Variants in PLCG2 observed in about 807,000 individuals in gnomAD.
The protein encoded by PLCG2 is phospholipase C gamma 2, also known as 1-phosphatidylinositol 4,5-bisphosphate phosphodiesterase gamma-2.
PLCG2 carries 69 observed loss-of-function variants against 175.6 expected under a neutral mutation model. That is an observed-to-expected ratio of 0.39 (90% CI 0.32 to 0.48). PLCG2 has a LOEUF of 0.48. PLCG2 is among the 20% of genes least tolerant of loss of function. The pLI is 0.91. For missense variants in PLCG2, 1,798 were observed against 1,650.9 expected, an observed-to-expected ratio of 1.09 and a Z score of -1.54; for synonymous variants, 827 against 624.0, an observed-to-expected ratio of 1.33 and a Z score of -4.85.
chr16:81,938,634 C>A, intron 28 of PLCG2, 167 bp from the exon 29 acceptor site: 1 of 596,584 alleles, frequency 1.7e-6, no homozygotes, highest in Non-Finnish European at 3.0e-6. Flanking sequence ...TACCACAGTC[C>A]ACCTTCATCC....
Position 81,918,984 on chromosome 16 carries a change from A to G in PLCG2, c.2055-500A>G, listed in dbSNP as rs146421993. On this transcript the variant is annotated intron_variant, in intron 19 of 32. Transcript: ENST00000564138. ...AATTTTGAGGTGGGGGGGATTGGCA[A>G]ACATTTTCTGTGAAGGACCACAGAG... Among the ~76,000 whole-genome samples the G allele has an allele frequency of 3.0e-3, 463 of 152,302 alleles. 3 individuals carry two copies. Among genetic ancestry groups the G allele is most frequent in the African/African-American group, 0.01 (428 of 41,556 alleles).
chr16:81,850,699 T>C (rs1053815726), intron 2 of PLCG2, among the ~76,000 whole-genome samples: 1 of 152,166 alleles, frequency 6.6e-6, no homozygotes, highest in South Asian at 2.1e-4. Context: ...TTTAAGCATG[T>C]AGAAGCGGGG....
At position 81,878,652 on chromosome 16, in the gene PLCG2, A is replaced by G. The variant is rs181398038; in HGVS notation, c.649-2258A>G. Among the ~76,000 whole-genome samples, 19 of 151,964 alleles carry G rather than the reference A, an allele frequency of 1.3e-4. 1 individual carries two copies. The highest frequency in any genetic ancestry group is 4.6e-4 in the African/African-American group (19 of 41,426). ...CCATCCCTGCCTCCTAGAGCACTTC[A>G]TCTTGGCACGTCAGCCATCACCTCC... On this transcript the variant is annotated intron_variant, in intron 7 of 32. Coordinates refer to ENST00000564138, the MANE Select transcript of PLCG2 (RefSeq NM_002661.5).
chr16:81,767,627 T>A (rs1411952960), intron 2 of PLCG2: 1 of 152,198 alleles, frequency 6.6e-6, no homozygotes, highest in Non-Finnish European at 1.5e-5. Flanking sequence ...TTCACCCTTT[T>A]TGATATACAG....
At chr16:81,926,268 C>G (rs1330626764) in intron 22 of PLCG2, among the ~76,000 whole-genome samples, 1 of 152,128 alleles carries the variant, frequency 6.6e-6, no homozygotes, top group Admixed American at 6.5e-5. Context: ...AGAGTCTGGG[C>G]TGGATTCTGG....
intron 30 of PLCG2, among the ~76,000 whole-genome samples, chr16:81,944,586 T>G (rs1021734324): frequency 1.3e-5 from 2 of 152,202 alleles, no homozygotes; most frequent in African/African-American, 4.8e-5. Context: ...TGCCTCAGTC[T>G]TCCTAGTAGC....
chr16:81,753,724 A>G (rs1228177918), intron 1 of PLCG2, among the ~76,000 whole-genome samples: 2 of 152,128 alleles, frequency 1.3e-5, no homozygotes, highest in East Asian at 1.9e-4. Flanking sequence ...GACTTTTGGG[A>G]GGGGATGAGG....
chr16:81,808,031 G>A (rs181286423), intron 2 of PLCG2, among the ~76,000 whole-genome samples: 2 of 152,304 alleles, frequency 1.3e-5, no homozygotes, highest in African/African-American at 4.8e-5. Flanking sequence ...AGACTGCTGC[G>A]GAGACAGATA....
At chr16:81,918,133 TC>T (rs907491166) in intron 19 of PLCG2, among the ~76,000 whole-genome samples, 1 of 152,240 alleles carries the variant, frequency 6.6e-6, no homozygotes, top group Non-Finnish European at 1.5e-5. Context: ...CAGATGTTTT[TC>T]CCATTCTGTA....
At chr16:81,887,689 C>T (rs1226912861) in intron 9 of PLCG2, among the ~76,000 whole-genome samples, 2 of 152,198 alleles carry the variant, frequency 1.3e-5, no homozygotes, top group Non-Finnish European at 2.9e-5. Flanking sequence ...TCTAAGCACA[C>T]ACACATCTGG....
chr16:81,873,747 T>C (rs1361645254), intron 7 of PLCG2, among the ~76,000 whole-genome samples: 1 of 152,098 alleles, frequency 6.6e-6, no homozygotes, highest in Non-Finnish European at 1.5e-5. Flanking sequence ...CTGGGCAACA[T>C]AGTGAGACCT....
At chr16:81,873,870 C>T (rs1466540819) in intron 7 of PLCG2, among the ~76,000 whole-genome samples, 3 of 152,210 alleles carry the variant, frequency 2.0e-5, no homozygotes, top group Admixed American at 2.0e-4. Context: ...TGGTAACATT[C>T]CACATGAGAG....
chr16:81,847,127 A>C (rs12933559), intron 2 of PLCG2, among the ~76,000 whole-genome samples: 1 of 151,932 alleles, frequency 6.6e-6, no homozygotes, highest in African/African-American at 2.4e-5. Flanking sequence ...CACTCCTTGG[A>C]TTTGATTAAT....
chr16:81,815,047 G>T (rs1298697175), intron 2 of PLCG2, among the ~76,000 whole-genome samples: 1 of 152,200 alleles, frequency 6.6e-6, no homozygotes, highest in Non-Finnish European at 1.5e-5. Flanking sequence ...ATCTTCCAAG[G>T]CAAAACCAGA....
chr16:81,850,074 A>G (rs1212115286), intron 2 of PLCG2, among the ~76,000 whole-genome samples: 1 of 152,226 alleles, frequency 6.6e-6, no homozygotes, highest in Non-Finnish European at 1.5e-5. Context: ...AAAGTAAACA[A>G]GGAGACTCCG....
chr16:81,774,040 C>G (rs1280710180), intron 2 of PLCG2, among the ~76,000 whole-genome samples: 2 of 151,870 alleles, frequency 1.3e-5, no homozygotes, highest in South Asian at 2.1e-4. Flanking sequence ...GTGCTCAAAG[C>G]AAAACCATGG....
At chr16:81,834,275 C>A (rs1905398087) in intron 2 of PLCG2, among the ~76,000 whole-genome samples, 1 of 152,190 alleles carries the variant, frequency 6.6e-6, no homozygotes, top group South Asian at 2.1e-4. Flanking sequence ...GGTTTGTTCT[C>A]TGTCCCAGTA....
At chr16:81,855,396 A>G (rs184019091) in intron 3 of PLCG2, among the ~76,000 whole-genome samples, 4 of 152,314 alleles carry the variant, frequency 2.6e-5, no homozygotes, top group African/African-American at 7.2e-5. Flanking sequence ...TTAGAAGTAT[A>G]TGTATATTAA....
At chr16:81,822,348 A>G (rs1904836748) in intron 2 of PLCG2, among the ~76,000 whole-genome samples, 1 of 152,198 alleles carries the variant, frequency 6.6e-6, no homozygotes, top group African/African-American at 2.4e-5. Flanking sequence ...ACCTGTGGGT[A>G]TGTCATGTTA....
Sources: allele counts gnomAD v4.1 joint callset (sites outside exome capture counted in the v4.1 genomes callset), GRCh38; gene constraint gnomAD v4.1.1; transcripts MANE v1.5; gene names NCBI Gene and HGNC (gene_info 2026-07-23, HGNC 2026-07-21).